Variants in KLHL13 observed in about 807,000 individuals in gnomAD.
KLHL13 encodes kelch-like protein 13.
In KLHL13, 10 loss-of-function variants were observed where a neutral mutation model predicts 37.1. The ratio of observed to expected loss-of-function variants is 0.27; its 90% CI spans 0.17 to 0.46. KLHL13 has a LOEUF of 0.46. KLHL13 is among the 20% of genes least tolerant of loss of function. The probability of loss-of-function intolerance (pLI) is 1.00; values close to 1 mark genes in which losing one functional copy is unlikely to be tolerated. For missense variants in KLHL13, 360 were observed against 509.3 expected, an observed-to-expected ratio of 0.71 and a Z score of 2.82; for synonymous variants, 163 against 181.2, an observed-to-expected ratio of 0.90 and a Z score of 0.81.
chrX:117,967,057 A>T (rs1163668345), intron 1 of KLHL13, among the ~76,000 whole-genome samples: 1 of 111,945 alleles, frequency 8.9e-6, no homozygotes, highest in Non-Finnish European at 1.9e-5. Context: ...AAAATTGACA[A>T]ATGGGATCTA....
At chrX:118,033,013 A>C in intron 1 of KLHL13, among the ~76,000 whole-genome samples, 1 of 111,295 alleles carries the variant, frequency 9.0e-6, no homozygotes, top group Non-Finnish European at 1.9e-5. Flanking sequence ...GAAATGAATG[A>C]AATGAAGTGA....
chrX:118,040,723 A>G (rs760823893), intron 1 of KLHL13, among the ~76,000 whole-genome samples: 26 of 111,682 alleles, frequency 2.3e-4, no homozygotes, highest in Middle Eastern at 4.7e-3. Flanking sequence ...CAGAACATCA[A>G]GTAGATTTAG....
chrX:117,964,268 G>C (rs889702417), intron 1 of KLHL13, among the ~76,000 whole-genome samples: 9 of 111,711 alleles, frequency 8.1e-5, no homozygotes, highest in Non-Finnish European at 1.5e-4. Context: ...TCCAGTTCAA[G>C]TCTCCTCATT....
intron 1 of KLHL13, among the ~76,000 whole-genome samples, chrX:118,094,515 A>G (rs1173805270): frequency 9.0e-6 from 1 of 111,214 alleles, no homozygotes; most frequent in Admixed American, 9.6e-5. Flanking sequence ...GCAGGCCAAC[A>G]TTCAGATTCA....
intron 1 of KLHL13, among the ~76,000 whole-genome samples, chrX:118,111,217 C>T (rs1368333063): frequency 8.9e-6 from 1 of 112,341 alleles, no homozygotes; most frequent in Non-Finnish European, 1.9e-5. Context: ...GACCTTTAGA[C>T]AGGAAATATA....
intron 1 of KLHL13, among the ~76,000 whole-genome samples, chrX:118,100,459 A>G (rs962501385): frequency 4.5e-5 from 5 of 111,890 alleles, no homozygotes; most frequent in African/African-American, 1.6e-4. Flanking sequence ...TGATATTGTT[A>G]TGTTAATTAT....
intron 1 of KLHL13, among the ~76,000 whole-genome samples, chrX:118,023,402 G>T (rs2054241387): frequency 9.1e-6 from 1 of 110,063 alleles, no homozygotes; most frequent in African/African-American, 3.3e-5. Context: ...TCTTTTAAGG[G>T]CTCTTTTCTA....
chrX:118,052,287 C>T (rs2054622707), intron 1 of KLHL13, among the ~76,000 whole-genome samples: 2 of 106,553 alleles, frequency 1.9e-5, no homozygotes, highest in East Asian at 2.9e-4. Context: ...CTGAGGCGGG[C>T]GGATCACGAA....
chrX:117,953,702 A>T (rs1374477247), intron 1 of KLHL13, among the ~76,000 whole-genome samples: 2 of 111,721 alleles, frequency 1.8e-5, no homozygotes, highest in Non-Finnish European at 3.8e-5. Context: ...TACCAAGCCT[A>T]AAAAATTAAA....
chrX:118,097,652 A>T (rs1351837126), intron 1 of KLHL13, among the ~76,000 whole-genome samples: 2 of 111,969 alleles, frequency 1.8e-5, no homozygotes, highest in Non-Finnish European at 1.9e-5. Flanking sequence ...ACAAAGCTGG[A>T]GGCATCACAC....
At chrX:118,085,870 C>T (rs143433684) in intron 1 of KLHL13, among the ~76,000 whole-genome samples, 1,821 of 104,516 alleles carry the variant, frequency 0.017, 45 homozygotes, top group African/African-American at 0.058. Context: ...CACTCATCAG[C>T]TGATGGTCAC....
chrX:117,973,039 A>T, exon 1 of KLHL13: 1 of 1,046,997 alleles, frequency 9.6e-7, no homozygotes, highest in Non-Finnish European at 1.2e-6. Flanking sequence ...AAGCAATATG[A>T]TGATTCAATC....
chrX:118,085,143 G>A (rs915838013), intron 1 of KLHL13, among the ~76,000 whole-genome samples: 2 of 110,999 alleles, frequency 1.8e-5, no homozygotes, highest in African/African-American at 6.6e-5. Context: ...TCCATCAACC[G>A]ATAAATGAAT....
intron 1 of KLHL13, among the ~76,000 whole-genome samples, chrX:118,041,729 A>G (rs191619141): frequency 8.9e-6 from 1 of 111,782 alleles, no homozygotes; most frequent in East Asian, 2.8e-4. Context: ...CAAAAAACAT[A>G]TATCAGATAT....
At chrX:118,036,471 G>T (rs991886420) in intron 1 of KLHL13, among the ~76,000 whole-genome samples, 11 of 110,954 alleles carry the variant, frequency 9.9e-5, no homozygotes, top group East Asian at 5.6e-4. Flanking sequence ...TTGACTAACC[G>T]GAGAAAAACA....
chrX:118,033,124 C>G (rs775061997), intron 1 of KLHL13, among the ~76,000 whole-genome samples: 19 of 111,041 alleles, frequency 1.7e-4, no homozygotes, highest in Middle Eastern at 4.6e-3. Context: ...ACTGGTGTAC[C>G]TGAAAGTGAG....
chrX:117,917,129 G>C (rs1195249525), intron 4 of KLHL13, among the ~76,000 whole-genome samples: 1 of 111,619 alleles, frequency 9.0e-6, no homozygotes, highest in Non-Finnish European at 1.9e-5. Flanking sequence ...CTTGGGTTTT[G>C]CATGTTCCTG....
At chrX:117,979,037 T>C (rs2053628982) in intron 1 of KLHL13, among the ~76,000 whole-genome samples, 1 of 111,019 alleles carries the variant, frequency 9.0e-6, no homozygotes, top group South Asian at 3.8e-4. Flanking sequence ...TTCAAGCAAT[T>C]CTCCTGCCTC....
chrX:117,987,646 A>G (rs1396579663), intron 1 of KLHL13, among the ~76,000 whole-genome samples: 1 of 112,179 alleles, frequency 8.9e-6, no homozygotes, highest in Non-Finnish European at 1.9e-5. Flanking sequence ...TGCAAAAACC[A>G]TGGTGATTTC....
Sources: gnomAD v4.1 joint callset for allele counts (sites outside exome capture counted in the v4.1 genomes callset) on GRCh38, gnomAD v4.1.1 for gene constraint, MANE v1.5 for transcripts, NCBI Gene and HGNC (gene_info 2026-07-23, HGNC 2026-07-21) for gene names.